Variants in TNKS observed in about 807,000 individuals in gnomAD.
TNKS encodes poly [ADP-ribose] polymerase tankyrase-1.
A neutral mutation model predicts 135.8 loss-of-function variants in TNKS; 72 were observed. The ratio of observed to expected loss-of-function variants is 0.53; its 90% CI spans 0.44 to 0.64. The LOEUF is 0.64. TNKS is among the 30% of genes least tolerant of loss of function. TNKS has a pLI of 0.00. For missense variants in TNKS, 1,769 were observed against 1,674.0 expected (o/e 1.06, Z -0.99); for synonymous variants, 849 against 649.3 (o/e 1.31, Z -4.68).
At chr8:9,733,226 A>G in intron 14 of TNKS, 53 bp from the exon 15 acceptor site, 2 of 1,489,496 alleles carry the variant, frequency 1.3e-6, no homozygotes, top group South Asian at 1.4e-5. Context: ...TATAAGAATC[A>G]TTGTAACTCA....
chr8:9,576,547 T>G (rs1797955641), intron 1 of TNKS, among the ~76,000 whole-genome samples: 1 of 148,476 alleles, frequency 6.7e-6, no homozygotes, highest in Non-Finnish European at 1.5e-5. Context: ...CTCGGCTCAC[T>G]GCAAGCTCCA....
chr8:9,610,201 A>T (rs1799402193), intron 2 of TNKS, among the ~76,000 whole-genome samples: 1 of 152,154 alleles, frequency 6.6e-6, no homozygotes, highest in Admixed American at 6.5e-5. Context: ...ACTTCAGATA[A>T]TTTGAAAAAT....
intron 3 of TNKS, among the ~76,000 whole-genome samples, chr8:9,632,313 C>T (rs1800321014): frequency 6.6e-6 from 1 of 152,152 alleles, no homozygotes; most frequent in South Asian, 2.1e-4. Context: ...TGAAAAATTT[C>T]CAACTTACAG....
chr8:9,764,676 A>C, intron 22 of TNKS, 40 bp from the exon 23 acceptor site: 1 of 1,492,970 alleles, frequency 6.7e-7, no homozygotes. Context: ...AGAATTACAC[A>C]CTGGGATGTT....
intron 2 of TNKS, among the ~76,000 whole-genome samples, chr8:9,581,753 C>T (rs1056511218): frequency 5.3e-5 from 8 of 152,120 alleles, no homozygotes; most frequent in Non-Finnish European, 1.0e-4. Context: ...TTCTGTTTTC[C>T]TGCCTCTACA....
rs1350060834 is a variant in TNKS at position 9,730,879 on chromosome 8, C to T, written c.2002-11C>T. 1.4e-5 allele frequency: 23 copies of T among 1,609,012 alleles called. No homozygotes were observed. Among genetic ancestry groups the T allele is most frequent in the Non-Finnish European group, 2.0e-5 (23 of 1,177,420 alleles). Reference sequence around the variant, plus strand: ...CGTTTTGTGTTTGTCTTTGTGTGTGCACCACGAAAGCAACTTTGCAGCTCT... The same window carrying T: ...CGTTTTGTGTTTGTCTTTGTGTGTGTACCACGAAAGCAACTTTGCAGCTCT... On this transcript the variant is annotated splice_polypyrimidine_tract_variant and intron_variant, in intron 13 of 26. Transcript: ENST00000310430.
At chr8:9,672,900 T>G (rs915098206) in intron 3 of TNKS, among the ~76,000 whole-genome samples, 1 of 152,108 alleles carries the variant, frequency 6.6e-6, no homozygotes. Flanking sequence ...TGTTTTCTTT[T>G]TAATATATCA....
At chr8:9,680,055 G>A in intron 4 of TNKS, 68 bp downstream of exon 4, 1 of 1,191,766 alleles carries the variant, frequency 8.4e-7, no homozygotes, top group Non-Finnish European at 1.3e-6. Context: ...GGCAGGTGGA[G>A]GACTATAAAA....
At chr8:9,589,889 C>T (rs80022017) in intron 2 of TNKS, among the ~76,000 whole-genome samples, 2 of 152,210 alleles carry the variant, frequency 1.3e-5, no homozygotes, top group African/African-American at 4.8e-5. Flanking sequence ...TAGCTGTCCA[C>T]AAACTCTTCT....
Position 9,657,546 on chromosome 8 carries a change from C to A in TNKS, c.995-22405C>A, listed in dbSNP as rs556961364. Among the ~76,000 whole-genome samples, 608 of 71,532 alleles carry A rather than the reference C, an allele frequency of 8.5e-3. 6 individuals are homozygous for A. Among genetic ancestry groups the A allele is most frequent in the Middle Eastern group, 0.02 (1 of 50 alleles). 46.9% of individuals were successfully genotyped at this position (71,532 alleles called of 152,430 possible). A position where few individuals can be genotyped will look rare whatever the true frequency, so the allele number is the denominator to read the frequency against. On this transcript the variant is annotated intron_variant, in intron 3 of 26. Transcript: ENST00000310430. The stretch of plus-strand genomic sequence containing the variant: ...GGGGCTCCTCACTTCCCAGTAGGGG[C>A]GGCTGGGCAGAGGCGCCCCTCACCT...
At position 9,769,551 on chromosome 8, in the gene TNKS, T is replaced by C. The variant is rs570640025; in HGVS notation, c.3741-555T>C. Among the ~76,000 whole-genome samples, 4 of 151,658 alleles carry C rather than the reference T, an allele frequency of 2.6e-5. No individual in the cohort carries two copies. In the East Asian group the frequency reaches 7.8e-4, roughly 29 times the overall value. ...TCCACCTACCCATCCATGCAAGGGC[T>C]CAGTTTTTTCTCTGGTTTTTTCCCT... On this transcript the variant is annotated intron_variant, in intron 25 of 26. Coordinates refer to ENST00000310430, the MANE Select transcript of TNKS (RefSeq NM_003747.3).
At position 9,580,202 on chromosome 8, in the gene TNKS, T is replaced by A. The variant is rs769072642; in HGVS notation, c.717T>A (p.Gly239=). 1 of 1,614,042 alleles carries A rather than the reference T, an allele frequency of 6.2e-7. No homozygotes were observed. Among genetic ancestry groups the A allele is most frequent in the East Asian group, 2.2e-5 (1 of 44,888 alleles). The change falls in exon 2 of 27, where the codon GGT becomes GGA. Residue 239 remains glycine, a synonymous_variant. Coordinates refer to ENST00000310430, the MANE Select transcript of TNKS (RefSeq NM_003747.3). ...TTGTAGAACACTTACTACAGATGGG[T>A]GCTAATGTCCACGCTCGTGATGATG... ...KDVVEHLLQM[G]ANVHARDDGG...
Position 9,752,586 on chromosome 8 carries a change from T to G in TNKS, c.3113T>G (p.Leu1038Arg). The G allele has an allele frequency of 6.2e-7, 1 of 1,613,476 alleles. No homozygotes were observed. Among genetic ancestry groups the G allele is most frequent in the Non-Finnish European group, 8.5e-7 (1 of 1,179,696 alleles). ...AATATCAGCCAATTTCTAAAAAGCC[T>G]TGGCCTTGAACACCTTCGGGATATC... ...DMNISQFLKS[L>R]GLEHLRDIFE... The change falls in exon 20 of 27, where the codon CTT (leucine) becomes CGT (arginine). Residue 1038 changes from leucine (L) to arginine (R), a missense_variant. By Grantham distance (102) the Leu-to-Arg change is moderately radical (BLOSUM62 -2). This residue lies in a region of TNKS where 722 missense variants were observed against 688.9 expected (regional missense o/e 1.05). Coordinates refer to ENST00000310430, the MANE Select transcript of TNKS (RefSeq NM_003747.3).
chr8:9,748,232 A>G lies in TNKS; in HGVS notation c.2832+20A>G. ...GCAACAGTAAGTCCTCATTTCAGAT[A>G]CTGATTATTGTTCCTTCTACTTTCA... is the stretch of plus-strand genomic sequence containing the variant. On this transcript the variant is annotated intron_variant, in intron 18 of 26. Transcript: ENST00000310430. The G allele has an allele frequency of 2.0e-6, 3 of 1,479,878 alleles. No individual in the cohort carries two copies. Among genetic ancestry groups the G allele is most frequent in the East Asian group, 2.5e-5 (1 of 40,350 alleles). The allele number at this position is 1,479,878 out of a possible 1,614,324, so 91.7% of individuals were successfully genotyped here.
intron 25 of TNKS, among the ~76,000 whole-genome samples, chr8:9,767,902 T>C (rs1223477950): frequency 1.4e-5 from 2 of 142,760 alleles, no homozygotes; most frequent in Admixed American, 7.6e-5. Context: ...GAGGTTGCAG[T>C]GAGCCGAGAT....
chr8:9,574,756 T>G (rs757176056), intron 1 of TNKS, among the ~76,000 whole-genome samples: 1 of 152,192 alleles, frequency 6.6e-6, no homozygotes, highest in Non-Finnish European at 1.5e-5. Flanking sequence ...TAGCCTTTTT[T>G]GTTTTTTTTG....
At chr8:9,607,730 A>G (rs530112068) in intron 2 of TNKS, among the ~76,000 whole-genome samples, 66 of 152,340 alleles carry the variant, frequency 4.3e-4, no homozygotes, top group African/African-American at 1.4e-3. Flanking sequence ...AGAAAAGTCT[A>G]TGAATTTGGG....
intron 3 of TNKS, among the ~76,000 whole-genome samples, chr8:9,645,388 T>A (rs1286182094): frequency 6.6e-6 from 1 of 152,126 alleles, no homozygotes; most frequent in African/African-American, 2.4e-5. Context: ...AGTAAACAGT[T>A]TTATGCAAGG....
rs992089538 is a variant in TNKS, at chr8:9,701,076, G to T, written c.1108-3587G>T. On this transcript the variant is annotated intron_variant, in intron 5 of 26. Transcript: ENST00000310430. ...AGCCTCCCAAGTCGCTGGGACTACA[G>T]GTGCCCGCCACCACACCTGGCTAAT... Among the ~76,000 whole-genome samples, 6 of 151,770 alleles carry T rather than the reference G, an allele frequency of 4.0e-5. No homozygotes were observed. The East Asian group carries it at 7.7e-4, about 20-fold the overall frequency.
Sources: allele counts gnomAD v4.1 joint callset (sites outside exome capture counted in the v4.1 genomes callset), GRCh38; gene constraint gnomAD v4.1.1; regional missense constraint gnomAD v4.1.1; transcripts MANE v1.5; gene names NCBI Gene and HGNC (gene_info 2026-07-23, HGNC 2026-07-21).